ANXA8: variants seen among roughly 807,000 people sequenced by gnomAD.
The protein encoded by ANXA8 is annexin A8, also known as VAC-beta.
Under a neutral mutation model 26.8 loss-of-function variants are expected in ANXA8, and 9 were observed. That is an observed-to-expected ratio of 0.34 (90% confidence interval 0.20 to 0.59). The LOEUF is 0.59. ANXA8 is among the 20% of genes least tolerant of loss of function. ANXA8 has a pLI of 0.84. For synonymous variants in ANXA8, 39 were observed against 94.8 expected (o/e 0.41, Z 3.42); for missense variants, 83 against 238.5 (o/e 0.35, Z 4.29).
chr10:47,526,421 G>C, the ANXA8 span, among the ~76,000 whole-genome samples: 2 of 136,354 alleles, frequency 1.5e-5, no homozygotes, highest in Non-Finnish European at 3.1e-5. Context: ...ACATTTTTTT[G>C]ATGTGGATTT....
chr10:47,692,783 G>T, the ANXA8 span: 1 of 146,126 alleles, frequency 6.8e-6, no homozygotes, highest in African/African-American at 2.5e-5. Flanking sequence ...CACCCAGGCT[G>T]GAGCGCAGTG....
At chr10:47,555,307 T>C in the ANXA8 span, among the ~76,000 whole-genome samples, 476 of 140,192 alleles carry the variant, frequency 3.4e-3, no homozygotes, top group African/African-American at 0.012. Context: ...GTGACTCTCC[T>C]GACAAGCAGA....
At chr10:47,549,435 C>G in the ANXA8 span, 1 of 1,093,358 alleles carries the variant, frequency 9.1e-7, no homozygotes, top group Non-Finnish European at 1.4e-6. Context: ...TGAAAAAACT[C>G]TAACCATCAA....
At chr10:47,547,425 G>GATATAC in the ANXA8 span, among the ~76,000 whole-genome samples, 10 of 132,700 alleles carry the variant, frequency 7.5e-5, no homozygotes, top group South Asian at 5.0e-4. Context: ...TATCTGGAAG[G>GATATAC]ATATACATAT....
At chr10:47,969,818 C>T in the ANXA8 span, among the ~76,000 whole-genome samples, 291 of 151,312 alleles carry the variant, frequency 1.9e-3, 6 homozygotes, top group South Asian at 0.037. Flanking sequence ...TGTCCTCAAG[C>T]GATCCTCCTG....
At chr10:47,568,008 C>T in the ANXA8 span, 5 of 735,490 alleles carry the variant, frequency 6.8e-6, no homozygotes, top group East Asian at 2.5e-5. Context: ...AGAACTATAC[C>T]GTAAGTATGA....
chr10:47,561,611 T>C, the ANXA8 span, among the ~76,000 whole-genome samples: 2 of 151,974 alleles, frequency 1.3e-5, no homozygotes, highest in Non-Finnish European at 1.5e-5. Context: ...TATGTCAAAA[T>C]TTTTTGTGGC....
chr10:47,974,159 TA>T, the ANXA8 span, among the ~76,000 whole-genome samples: 42 of 150,904 alleles, frequency 2.8e-4, no homozygotes, highest in South Asian at 6.3e-4. Flanking sequence ...CATTCCTGAG[TA>T]CAAATTCTGC....
chr10:47,953,109 G>A, the ANXA8 span, among the ~76,000 whole-genome samples: 1 of 150,362 alleles, frequency 6.7e-6, no homozygotes, highest in Non-Finnish European at 1.5e-5. Context: ...TGATAAATGG[G>A]CCTTATTGAA....
At chr10:47,761,079 C>T in the ANXA8 span, 3 of 623,364 alleles carry the variant, frequency 4.8e-6, no homozygotes, top group African/African-American at 5.9e-5. Flanking sequence ...TGGGCCCATA[C>T]CAGGCAACAC....
At chr10:47,682,469 C>CTTTTTTTTTTTTT in the ANXA8 span, among the ~76,000 whole-genome samples, 2 of 121,650 alleles carry the variant, frequency 1.6e-5, no homozygotes, top group Non-Finnish European at 3.4e-5. Flanking sequence ...CTTTCTTTTT[C>CTTTTTTTTTTTTT]TTTTTTTTTT....
chr10:47,743,401 T>A, the ANXA8 span, among the ~76,000 whole-genome samples: 10,897 of 96,486 alleles, frequency 0.11, 79 homozygotes, highest in African/African-American at 0.17. Flanking sequence ...TGTGTGTGTG[T>A]GTGTGAGAGA....
the ANXA8 span, chr10:47,564,994 C>T: frequency 9.7e-7 from 1 of 1,027,310 alleles, no homozygotes; most frequent in Non-Finnish European, 1.5e-6. Flanking sequence ...TCATCGTCCA[C>T]CGTCTGGCCG....
the ANXA8 span, among the ~76,000 whole-genome samples, chr10:47,566,582 C>G: frequency 3.4e-5 from 5 of 146,780 alleles, no homozygotes; most frequent in Non-Finnish European, 7.5e-5. Context: ...AGGGAGGGCA[C>G]CCCGCTGCCC....
chr10:47,691,122 C>T, the ANXA8 span: 114 of 1,609,644 alleles, frequency 7.1e-5, 1 homozygote, highest in Non-Finnish European at 9.0e-5. Flanking sequence ...CCTTTAGCAA[C>T]AGTTACAGTA....
the ANXA8 span, among the ~76,000 whole-genome samples, chr10:47,560,423 A>G: frequency 1.3e-4 from 20 of 151,908 alleles, no homozygotes; most frequent in South Asian, 4.2e-3. Flanking sequence ...TAATTAATAC[A>G]TTGTTTTACC....
At chr10:47,565,231 G>A in the ANXA8 span, 1 of 596,930 alleles carries the variant, frequency 1.7e-6, no homozygotes, top group Admixed American at 2.9e-5. Context: ...CCAGCCCTGC[G>A]GCCGGGGCCC....
the ANXA8 span, among the ~76,000 whole-genome samples, chr10:47,645,266 C>G: frequency 3.3e-4 from 48 of 146,586 alleles, no homozygotes; most frequent in Middle Eastern, 3.4e-3. Context: ...TCTAAAAGAA[C>G]AAAATTTTGT....
chr10:47,632,014 G>T, the ANXA8 span, among the ~76,000 whole-genome samples: 82 of 152,332 alleles, frequency 5.4e-4, no homozygotes, highest in African/African-American at 1.9e-3. Context: ...TAAAGATTAG[G>T]TTGATAAATT....
Sources: gnomAD v4.1 joint callset for allele counts (sites outside exome capture counted in the v4.1 genomes callset) on GRCh38, gnomAD v4.1.1 for gene constraint, MANE v1.5 for transcripts, NCBI Gene and HGNC (gene_info 2026-07-23, HGNC 2026-07-21) for gene names.